RSAD2: variants seen among roughly 807,000 people sequenced by gnomAD.
The protein encoded by RSAD2 is radical S-adenosyl methionine domain containing 2.
In RSAD2, 38 loss-of-function variants were observed where a neutral mutation model predicts 37.7. The observed-to-expected ratio is 1.01, with a 90% CI of 0.78 to 1.32. The LOEUF is 1.32. RSAD2 is among the 40% of genes most tolerant of loss of function. The pLI is 0.00. For synonymous variants in RSAD2, 163 were observed against 157.4 expected, an observed-to-expected ratio of 1.04 and a Z score of -0.27; for missense variants, 428 against 437.5, an observed-to-expected ratio of 0.98 and a Z score of 0.19.
intron 1 of RSAD2, chr2:6,866,082 C>T (rs1166125179): frequency 3.8e-6 from 1 of 263,872 alleles, no homozygotes; most frequent in African/African-American, 2.3e-5. Context: ...GCTGGCGGCC[C>T]CGACCCTGGT....
Position 6,893,707 on chromosome 2 carries a change from A to G in RSAD2, c.921+4A>G. 6.3e-7 allele frequency: 1 copy of G among 1,586,844 alleles called. No individual in the cohort carries two copies. The highest frequency in any genetic ancestry group is 8.7e-7 in the Non-Finnish European group (1 of 1,155,708). On this transcript the variant is annotated splice_donor_region_variant and intron_variant, in intron 5 of 5. Transcript: ENST00000382040. ...CTACCTTATTCTGGATGAATATGTG[A>G]GTATTTCCAATGAGTTATAAAATTA...
intron 1 of RSAD2, among the ~76,000 whole-genome samples, chr2:6,867,421 G>A (rs1663120489): frequency 6.6e-6 from 1 of 152,110 alleles, no homozygotes; most frequent in African/African-American, 2.4e-5. Context: ...CTTCTGGGAA[G>A]GACACCAGTC....
intron 5 of RSAD2, among the ~76,000 whole-genome samples, 182 bp downstream of exon 5, chr2:6,893,885 G>A (rs531768485): frequency 6.6e-6 from 1 of 152,278 alleles, no homozygotes; most frequent in South Asian, 2.1e-4. Context: ...GTCAAATGTG[G>A]AGCTAAACAC....
intron 1 of RSAD2, among the ~76,000 whole-genome samples, chr2:6,882,197 A>G (rs1663419129): frequency 6.6e-6 from 1 of 152,202 alleles, no homozygotes; most frequent in African/African-American, 2.4e-5. Flanking sequence ...TGAAATTTGA[A>G]TGAACAAATA....
At chr2:6,877,001 T>C (rs1663293416), upstream of RSAD2, 3 of 152,122 alleles carry the variant, frequency 2.0e-5, no homozygotes. Context: ...ACAGTTCTGA[T>C]GAAAGAGGGC....
chr2:6,869,048 T>G, intron 1 of RSAD2, among the ~76,000 whole-genome samples: 1 of 152,182 alleles, frequency 6.6e-6, no homozygotes, highest in South Asian at 2.1e-4. Context: ...AGGATGTGCC[T>G]GCATATCTAG....
chr2:6,891,533 T>C (rs1365122233), intron 4 of RSAD2, among the ~76,000 whole-genome samples: 1 of 152,134 alleles, frequency 6.6e-6, no homozygotes. Flanking sequence ...TTTGGGGGGC[T>C]GAGATGGGCG....
chr2:6,895,887 T>A lies in RSAD2; in HGVS notation c.1031T>A (p.Leu344Gln), dbSNP rs1663765211. The A allele has an allele frequency of 6.2e-7, 1 of 1,614,072 alleles. No individual in the cohort carries two copies. Among genetic ancestry groups the A allele is most frequent in the Non-Finnish European group, 8.5e-7 (1 of 1,180,022 alleles). Residue 344 changes from leucine to glutamine, a missense_variant, in exon 6 of 6, where the codon CTG becomes CAG. Leu to Gln is a moderately radical substitution (Grantham distance 113, BLOSUM62 -2). Transcript: ENST00000382040. ...KFSGFDEKMF[L>Q]KRGGKYIWSK... ...AGTGGATTTGATGAAAAGATGTTTC[T>A]GAAGCGAGGAGGAAAATACATATGG...
At chr2:6,881,568 A>G (rs2103241766) in intron 1 of RSAD2, among the ~76,000 whole-genome samples, 1 of 152,348 alleles carries the variant, frequency 6.6e-6, no homozygotes, top group South Asian at 2.1e-4. Flanking sequence ...TAAGGGTTGA[A>G]AGCTTTAACC....
chr2:6,877,224 G>T (rs546480536), upstream of RSAD2: 1 of 152,302 alleles, frequency 6.6e-6, no homozygotes, highest in East Asian at 1.9e-4. Context: ...CATAAATTAG[G>T]CTGAATAGCT....
At chr2:6,875,347 G>A (rs746028430), upstream of RSAD2, among the ~76,000 whole-genome samples, 15 of 152,028 alleles carry the variant, frequency 9.9e-5, no homozygotes, top group Admixed American at 8.5e-4. Context: ...TCCCCTACTC[G>A]AATTATTCAA....
At chr2:6,878,482 T>C (rs1663333655) in intron 1 of RSAD2, among the ~76,000 whole-genome samples, 1 of 152,232 alleles carries the variant, frequency 6.6e-6, no homozygotes, top group Non-Finnish European at 1.5e-5. Flanking sequence ...GGGAAGTTTG[T>C]ACTACTTTCT....
At position 6,883,366 on chromosome 2, in the gene RSAD2, C is replaced by G. The variant is rs201860069; in HGVS notation, c.347-5C>G. On this transcript the variant is annotated splice_polypyrimidine_tract_variant and splice_region_variant and intron_variant, in intron 1 of 5. Coordinates refer to ENST00000382040, the MANE Select transcript of RSAD2 (RefSeq NM_080657.5). ...GTGGTAAAATTCATGTATCACCTTG[C>G]ACAGGTATGGAGAAGATCAACTTTT... is the stretch of plus-strand genomic sequence containing the variant. The G allele has an allele frequency of 1.2e-6, 2 of 1,613,714 alleles. No individual in the cohort carries two copies. Among genetic ancestry groups the G allele is most frequent in the African/African-American group, 2.7e-5 (2 of 74,894 alleles).
At chr2:6,883,628 C>T in intron 2 of RSAD2, 96 bp downstream of exon 2, 1 of 1,407,784 alleles carries the variant, frequency 7.1e-7, no homozygotes, top group South Asian at 1.3e-5. Flanking sequence ...GCCAGGCCTG[C>T]TGAGGAACTG....
chr2:6,897,396 GTC>G lies in RSAD2; in HGVS notation c.*1456_*1457del, dbSNP rs1663800242. 1 of 152,132 alleles carries G rather than the reference GTC, an allele frequency of 6.6e-6. No homozygotes were observed. Among genetic ancestry groups the G allele is most frequent in the Non-Finnish European group, 1.5e-5 (1 of 68,030 alleles). The allele number at this position is 152,132 out of a possible 1,614,324, so 9.4% of individuals were successfully genotyped here. A position where few individuals can be genotyped will look rare whatever the true frequency, so the allele number is the denominator to read the frequency against. Reference sequence around the variant, plus strand: ...GATGTCATTAAGCACCATCCAAAAAGTCTGCTTCATAATCTATTTTCAAGACT... The same window carrying G: ...GATGTCATTAAGCACCATCCAAAAAGTGCTTCATAATCTATTTTCAAGACT... On this transcript the variant is annotated 3_prime_UTR_variant, in exon 6 of 6. Transcript: ENST00000382040.
intron 1 of RSAD2, among the ~76,000 whole-genome samples, chr2:6,870,692 CTCCA>C (rs2103235013): frequency 6.6e-6 from 1 of 152,308 alleles, no homozygotes; most frequent in Admixed American, 6.5e-5. Flanking sequence ...AGCCAGTTCT[CTCCA>C]TCCAGACGCT....
Position 6,896,047 on chromosome 2 carries a change from C to A in RSAD2, c.*105C>A. ...TTGGTATTTCCCAGTGGCTGAAAAC[C>A]TGATTTTCTGCTGCACGTGGCATCT... On this transcript the variant is annotated 3_prime_UTR_variant, in exon 6 of 6. Coordinates refer to ENST00000382040, the MANE Select transcript of RSAD2 (RefSeq NM_080657.5). The A allele has an allele frequency of 1.2e-5, 13 of 1,127,338 alleles. No homozygotes were observed. The highest frequency in any genetic ancestry group is 1.6e-5 in the Non-Finnish European group (13 of 796,420). The allele number at this position is 1,127,338 out of a possible 1,614,324, so 69.8% of individuals were successfully genotyped here.
chr2:6,891,231 A>G (rs1663623390), intron 4 of RSAD2, among the ~76,000 whole-genome samples: 1 of 152,206 alleles, frequency 6.6e-6, no homozygotes, highest in Non-Finnish European at 1.5e-5. Flanking sequence ...TTTTAAGAGT[A>G]TTTGATATTG....
intron 1 of RSAD2, among the ~76,000 whole-genome samples, chr2:6,871,901 G>A (rs112696375): frequency 0.013 from 2,051 of 152,212 alleles, 48 homozygotes; most frequent in African/African-American, 0.045. Flanking sequence ...AGAAAAATAT[G>A]CATATATTTA....
Sources: allele counts gnomAD v4.1 joint callset (sites outside exome capture counted in the v4.1 genomes callset), GRCh38; gene constraint gnomAD v4.1.1; transcripts MANE v1.5; gene names NCBI Gene and HGNC (gene_info 2026-07-23, HGNC 2026-07-21).